Variants in MAP3K13 observed in about 807,000 individuals in gnomAD.
The protein encoded by MAP3K13 is leucine zipper-bearing kinase.
Under a neutral mutation model 104.0 loss-of-function variants are expected in MAP3K13, and 52 were observed. The ratio of observed to expected loss-of-function variants is 0.50; its 90% CI spans 0.40 to 0.63. The LOEUF (loss-of-function observed/expected upper bound fraction) is 0.63, where lower values mean the gene tolerates loss of function less well. Ranked by LOEUF, MAP3K13 falls within the 20% of genes least tolerant of loss-of-function variation. The pLI is 0.00. For missense variants in MAP3K13, 914 were observed against 1,218.5 expected (o/e 0.75, Z 3.72); for synonymous variants, 394 against 442.2 (o/e 0.89, Z 1.37).
intron 1 of MAP3K13, among the ~76,000 whole-genome samples, chr3:185,405,229 A>C (rs1357674792): frequency 6.6e-6 from 1 of 152,362 alleles, no homozygotes; most frequent in South Asian, 2.1e-4. Context: ...TTATTTTGCT[A>C]TTAAGGTATA....
At chr3:185,288,234 C>A (rs533603572) in intron 2 of MAP3K13, among the ~76,000 whole-genome samples, 1 of 151,934 alleles carries the variant, frequency 6.6e-6, no homozygotes, top group African/African-American at 2.4e-5. Flanking sequence ...GTAAAGGTGA[C>A]ATGGAAAGAA....
chr3:185,457,135 AC>A (rs1716804921), intron 7 of MAP3K13, among the ~76,000 whole-genome samples: 1 of 31,702 alleles, frequency 3.2e-5, no homozygotes, highest in African/African-American at 5.6e-5. Flanking sequence ...CTAAGTTGCC[AC>A]AGTCGGGTTC....
chr3:185,436,644 C>T (rs958862972), intron 2 of MAP3K13, among the ~76,000 whole-genome samples: 2 of 151,956 alleles, frequency 1.3e-5, no homozygotes, highest in African/African-American at 4.8e-5. Context: ...AGTAAGTCCT[C>T]AATAAAAGGT....
chr3:185,300,017 A>T (rs1458392011), intron 2 of MAP3K13, among the ~76,000 whole-genome samples: 1 of 152,150 alleles, frequency 6.6e-6, no homozygotes, highest in East Asian at 1.9e-4. Context: ...TCTCTTCCCC[A>T]TTCTACTAGT....
chr3:185,454,861 T>TATATATATGAGATATATATC lies in MAP3K13; in HGVS notation c.1278+3485_1278+3486insCATATATATGAGATATATAT, dbSNP rs1716296022. 2.3e-4 allele frequency among the ~76,000 whole-genome samples: 11 copies of TATATATATGAGATATATATC among 48,562 alleles called. No individual in the cohort carries two copies. The South Asian group carries it at 3.2e-3, about 14-fold the overall frequency. 31.9% of individuals were successfully genotyped at this position (48,562 alleles called of 152,430 possible). A position where few individuals can be genotyped will look rare whatever the true frequency, so the allele number is the denominator to read the frequency against. ...ATATATATATGAGATATATACATGA[T>TATATATATGAGATATATATC]ATATATATGAGATATATATATGATA... On this transcript the variant is annotated intron_variant, in intron 7 of 13. Coordinates refer to ENST00000265026, the MANE Select transcript of MAP3K13 (RefSeq NM_004721.5).
At chr3:185,319,744 C>T (rs1721793427) in intron 2 of MAP3K13, among the ~76,000 whole-genome samples, 1 of 152,178 alleles carries the variant, frequency 6.6e-6, no homozygotes, top group Non-Finnish European at 1.5e-5. Flanking sequence ...GAGAATTCTA[C>T]CAACCTCCTA....
chr3:185,441,300 TC>T (rs1294202002), intron 3 of MAP3K13, among the ~76,000 whole-genome samples: 3 of 152,216 alleles, frequency 2.0e-5, no homozygotes, highest in Non-Finnish European at 4.4e-5. Context: ...TTCCTCCTCC[TC>T]CAGGCCTCTG....
chr3:185,379,941 T>C (rs1329787721), intron 1 of MAP3K13, among the ~76,000 whole-genome samples: 4 of 152,028 alleles, frequency 2.6e-5, no homozygotes. Context: ...ATCCAAGCAC[T>C]TTGGGGGGCC....
At chr3:185,446,255 A>G (rs938697333) in intron 4 of MAP3K13, among the ~76,000 whole-genome samples, 2 of 150,020 alleles carry the variant, frequency 1.3e-5, no homozygotes, top group Non-Finnish European at 3.0e-5. Flanking sequence ...GAAGCCTCTT[A>G]TCATTTTTTT....
At chr3:185,407,537 T>G (rs1713182572) in intron 1 of MAP3K13, among the ~76,000 whole-genome samples, 1 of 152,214 alleles carries the variant, frequency 6.6e-6, no homozygotes, top group Admixed American at 6.5e-5. Context: ...TTCTTAAGTG[T>G]CTTTGACAAA....
At chr3:185,311,836 A>G (rs1721505247) in intron 2 of MAP3K13, among the ~76,000 whole-genome samples, 2 of 152,238 alleles carry the variant, frequency 1.3e-5, no homozygotes, top group South Asian at 2.1e-4. Context: ...TTAAAAGAAA[A>G]AAAAGGAAAC....
In MAP3K13 at chr3:185,480,467, G is replaced by A. The variant is rs759993681; in HGVS notation, c.2737G>A (p.Val913Met). 3.8e-5 allele frequency: 62 copies of A among 1,614,030 alleles called. No individual in the cohort carries two copies. The highest frequency in any genetic ancestry group is 1.6e-4 in the Middle Eastern group (1 of 6,082). The change falls in exon 13 of 14, where the codon GTG becomes ATG. Residue 913 changes from valine to methionine, a missense_variant. Transcript: ENST00000265026. ...SDGLSDKECAVRRVKTQMSLG... is the reference protein window; with the variant it reads ...SDGLSDKECAMRRVKTQMSLG... Reference sequence around the variant, plus strand: ...TGGGCTCTCTGACAAGGAGTGTGCCGTGCGCCGTGTGAAGACTCAGATGTC... The same window carrying A: ...TGGGCTCTCTGACAAGGAGTGTGCCATGCGCCGTGTGAAGACTCAGATGTC...
chr3:185,468,064 G>A (rs1046569917), intron 10 of MAP3K13, among the ~76,000 whole-genome samples: 6 of 152,042 alleles, frequency 3.9e-5, no homozygotes, highest in African/African-American at 1.2e-4. Context: ...GAACAGCACC[G>A]AGGAGATGAT....
intron 12 of MAP3K13, 111 bp from the exon 13 acceptor site, chr3:185,480,121 T>C (rs1718358710): frequency 9.5e-7 from 1 of 1,051,050 alleles, no homozygotes; most frequent in African/African-American, 1.6e-5. Flanking sequence ...TTAGGCCTCC[T>C]TGATGGCAGG....
chr3:185,470,497 C>T (rs990229496), intron 10 of MAP3K13, among the ~76,000 whole-genome samples: 3 of 152,146 alleles, frequency 2.0e-5, no homozygotes, highest in South Asian at 2.1e-4. Context: ...AGTGTCACTC[C>T]GCACTAGCCC....
At chr3:185,394,164 G>A (rs1712244217) in intron 1 of MAP3K13, among the ~76,000 whole-genome samples, 1 of 152,140 alleles carries the variant, frequency 6.6e-6, no homozygotes, top group Non-Finnish European at 1.5e-5. Context: ...TACATCTTTG[G>A]AAGTAACAAA....
chr3:185,478,900 AAAC>A (rs1718291241), intron 12 of MAP3K13, among the ~76,000 whole-genome samples: 1 of 152,102 alleles, frequency 6.6e-6, no homozygotes, highest in Non-Finnish European at 1.5e-5. Context: ...AAACAAAACA[AAAC>A]AAAACTCTTT....
chr3:185,369,671 A>G (rs933563622), intron 1 of MAP3K13, among the ~76,000 whole-genome samples: 3 of 152,328 alleles, frequency 2.0e-5, no homozygotes, highest in Non-Finnish European at 2.9e-5. Flanking sequence ...TGTAGGCAAT[A>G]TTGAAAACAC....
At chr3:185,443,664 A>AT in intron 4 of MAP3K13, 28 bp downstream of exon 4, 2 of 1,596,526 alleles carry the variant, frequency 1.3e-6, no homozygotes, top group Non-Finnish European at 1.7e-6. Context: ...TGTTTCAGCT[A>AT]TTTTGGTTTG....
Sources: gnomAD v4.1 joint callset for allele counts (sites outside exome capture counted in the v4.1 genomes callset) on GRCh38, gnomAD v4.1.1 for gene constraint, MANE v1.5 for transcripts, NCBI Gene and HGNC (gene_info 2026-07-23, HGNC 2026-07-21) for gene names.